The following CALM2 variants were observed in gnomAD, a reference collection of about 807,000 sequenced individuals.
CALM2 encodes the protein calmodulin-2.
Under a neutral mutation model 19.8 loss-of-function variants are expected in CALM2, and 2 were observed. The observed-to-expected ratio is 0.10, with a 90% CI of 0.04 to 0.32. The LOEUF is 0.32. Among genes scored for constraint, CALM2 ranks in the 10% least tolerant of loss-of-function variants. The pLI, the probability that CALM2 is intolerant of heterozygous loss-of-function variation, is 1.00. For synonymous variants in CALM2, 51 were observed against 52.1 expected, an observed-to-expected ratio of 0.98 and a Z score of 0.09; for missense variants, 38 against 178.7, an observed-to-expected ratio of 0.21 and a Z score of 4.49.
intron 1 of CALM2, among the ~76,000 whole-genome samples, chr2:47,175,995 C>G (rs942564838): frequency 5.9e-5 from 9 of 152,102 alleles, no homozygotes; most frequent in African/African-American, 2.2e-4. Context: ...ATGGCGGCCG[C>G]AAGCGGACAA....
upstream of CALM2, chr2:47,176,526 G>A (rs981485918): frequency 1.3e-6 from 2 of 1,586,560 alleles, no homozygotes; most frequent in South Asian, 1.1e-5. Context: ...CGCCTCCTCC[G>A]CCCCCAGCGC....
chr2:47,174,624 C>A (rs1666786595), intron 1 of CALM2, among the ~76,000 whole-genome samples: 1 of 151,660 alleles, frequency 6.6e-6, no homozygotes, highest in Non-Finnish European at 1.5e-5. Flanking sequence ...CAAACAGTAA[C>A]TACAAAAGCT....
chr2:47,161,651 C>A lies in CALM2; in HGVS notation c.421+72G>T, dbSNP rs1687159782. On this transcript the variant is annotated intron_variant, in intron 5 of 5. Transcript: ENST00000272298. ...CAGGGGAAGGGTCACTAATTTCGAT[C>A]AGTTCCCTAACAAAGAGCCTCTTAT... 3.6e-6 allele frequency: 5 copies of A among 1,406,348 alleles called. No individual in the cohort carries two copies. In the Admixed American group the frequency reaches 8.9e-5, roughly 25 times the overall value. The allele number at this position is 1,406,348 out of a possible 1,614,324, so 87.1% of individuals were successfully genotyped here. A position where few individuals can be genotyped will look rare whatever the true frequency, so the allele number is the denominator to read the frequency against.
intron 1 of CALM2, chr2:47,174,182 A>G (rs1236708202): frequency 6.6e-6 from 1 of 152,216 alleles, no homozygotes; most frequent in East Asian, 1.9e-4. Context: ...GATTACATGT[A>G]AACTCAAGAG....
intron 2 of CALM2, chr2:47,163,663 C>A (rs1326435535): frequency 6.6e-6 from 1 of 152,268 alleles, no homozygotes; most frequent in Non-Finnish European, 1.5e-5. Context: ...AACTCCCAAC[C>A]TCAGGTGATC....
At chr2:47,171,175 TAAAAA>T (rs10700263) in intron 1 of CALM2, 1 of 146,964 alleles carries the variant, frequency 6.8e-6, no homozygotes, top group Non-Finnish European at 1.5e-5. Context: ...TTAAAGTGAT[TAAAAA>T]AAAAAAAAGG....
chr2:47,172,728 A>T (rs1015831392), intron 1 of CALM2: 5 of 248,910 alleles, frequency 2.0e-5, no homozygotes, highest in African/African-American at 1.2e-4. Flanking sequence ...TGTGTGGCAG[A>T]CACTGCAGCC....
At chr2:47,169,974 AAC>A (rs1491517704) in intron 2 of CALM2, among the ~76,000 whole-genome samples, 2 of 149,654 alleles carry the variant, frequency 1.3e-5, no homozygotes, top group African/African-American at 4.9e-5. Context: ...AAAAAAAAAA[AAC>A]AACTCCGGCA....
At chr2:47,171,982 T>TAAAAA (rs60765781) in intron 1 of CALM2, 4 of 104,080 alleles carry the variant, frequency 3.8e-5, no homozygotes, top group African/African-American at 1.3e-4. Flanking sequence ...TCAAATTCAT[T>TAAAAA]AAAAAAAAAA....
chr2:47,176,377 A>C (rs1666868443), intron 1 of CALM2, 64 bp downstream of exon 1: 1 of 1,593,826 alleles, frequency 6.3e-7, no homozygotes, highest in Admixed American at 1.7e-5. Flanking sequence ...TCCTTTGTTT[A>C]GTCAGTTCGC....
At chr2:47,175,505 T>C (rs1268451884) in intron 1 of CALM2, among the ~76,000 whole-genome samples, 1 of 152,128 alleles carries the variant, frequency 6.6e-6, no homozygotes, top group Non-Finnish European at 1.5e-5. Context: ...TAACAAGATG[T>C]GTATTGCGAG....
At chr2:47,174,264 ATTT>A (rs1379034665) in intron 1 of CALM2, 1 of 151,682 alleles carries the variant, frequency 6.6e-6, no homozygotes, top group African/African-American at 2.4e-5. Flanking sequence ...AATTTTTTTT[ATTT>A]TTTGAGAGAC....
chr2:47,175,873 G>A (rs13032512), intron 1 of CALM2, among the ~76,000 whole-genome samples: 4,888 of 147,986 alleles, frequency 0.033, 113 homozygotes, highest in African/African-American at 0.061. Flanking sequence ...CACACAGCGC[G>A]CCGCCCGCCC....
chr2:47,175,780 AGCGGGGCGGC>A (rs1392407550), intron 1 of CALM2, among the ~76,000 whole-genome samples: 47 of 149,742 alleles, frequency 3.1e-4, no homozygotes, highest in African/African-American at 1.1e-3. Flanking sequence ...AGCGGGGCCG[AGCGGGGCGGC>A]GGCTCCGGGT....
rs747307571 is a variant in CALM2, at chr2:47,162,407, T to C, written c.179-15A>G. On this transcript the variant is annotated splice_polypyrimidine_tract_variant and intron_variant, in intron 3 of 5. Coordinates refer to ENST00000272298, the MANE Select transcript of CALM2 (RefSeq NM_001743.6). ...TGTGCCATTACCTGAAATGGTTTAG[T>C]GGAAACATCAAAGCTTTAGTGGAAA... 1.6e-5 allele frequency: 25 copies of C among 1,606,456 alleles called. No homozygotes were observed. Among genetic ancestry groups the C allele is most frequent in the Non-Finnish European group, 2.0e-5 (23 of 1,174,654 alleles).
At chr2:47,176,871 G>T, upstream of CALM2, 1 of 985,400 alleles carries the variant, frequency 1.0e-6, no homozygotes, top group South Asian at 4.7e-5. Flanking sequence ...ACTGGGACTC[G>T]CAGCCGCCGC....
chr2:47,176,464 C>A lies in CALM2; in HGVS notation c.-21G>T, dbSNP rs1393772734. On this transcript the variant is annotated 5_prime_UTR_variant, in exon 1 of 6. Transcript: ENST00000272298. Reference sequence around the variant, plus strand: ...ACCATGCTGCAAGCGCTACCGGTTTCCGAGACGCGACCACACAACCACTCA... The same window carrying A: ...ACCATGCTGCAAGCGCTACCGGTTTACGAGACGCGACCACACAACCACTCA... 1.2e-6 allele frequency: 2 copies of A among 1,613,838 alleles called. No homozygotes were observed. The highest frequency in any genetic ancestry group is 1.7e-6 in the Non-Finnish European group (2 of 1,179,982).
chr2:47,164,250 A>G (rs1261299267), intron 2 of CALM2, among the ~76,000 whole-genome samples: 1 of 77,822 alleles, frequency 1.3e-5, no homozygotes, highest in Admixed American at 1.4e-4. Flanking sequence ...AAAAAAAAAA[A>G]AAGAAGAAAA....
At chr2:47,176,168 T>A (rs933792675) in intron 1 of CALM2, 1 of 502,816 alleles carries the variant, frequency 2.0e-6, no homozygotes. Flanking sequence ...CCCGGACCCA[T>A]CCTCCTCCAG....
Sources: allele counts gnomAD v4.1 joint callset (sites outside exome capture counted in the v4.1 genomes callset), GRCh38; gene constraint gnomAD v4.1.1; transcripts MANE v1.5; gene names NCBI Gene and HGNC (gene_info 2026-07-23, HGNC 2026-07-21).